The following MBLAC2 variants were observed in gnomAD, a reference collection of about 807,000 sequenced individuals.
MBLAC2 encodes metallo-beta-lactamase domain containing 2, also known as acyl-coenzyme A thioesterase MBLAC2.
MBLAC2 carries 24 observed loss-of-function variants against 23.3 expected under a neutral mutation model. That is an observed-to-expected ratio of 1.03 (90% CI 0.75 to 1.45). MBLAC2 has a LOEUF of 1.45. Ranked by LOEUF, MBLAC2 falls within the 40% of genes most tolerant of loss-of-function variation. The pLI is 0.00. For synonymous variants in MBLAC2, 162 were observed against 150.9 expected (o/e 1.07, Z -0.54); for missense variants, 358 against 370.0 (o/e 0.97, Z 0.27).
chr5:90,467,745 T>G lies in MBLAC2; in HGVS notation c.454+6094A>C, dbSNP rs112174753. ...TTGTTGCCTGAATACCTTCTTTTTT[T>G]GGGGGGGGCGGTTTGTTTGTTTTTT... On this transcript the variant is annotated intron_variant, in intron 1 of 1. Transcript: ENST00000316610. 6.0e-3 allele frequency among the ~76,000 whole-genome samples: 524 copies of G among 87,782 alleles called. 4 individuals carry two copies. Among genetic ancestry groups the G allele is most frequent in the African/African-American group, 0.017 (381 of 22,174 alleles). The allele number at this position is 87,782 out of a possible 152,430, so 57.6% of individuals were successfully genotyped here.
intron 1 of MBLAC2, among the ~76,000 whole-genome samples, chr5:90,467,935 A>G (rs2151892162): frequency 6.6e-6 from 1 of 152,308 alleles, no homozygotes; most frequent in Admixed American, 6.5e-5. Flanking sequence ...TTGTTTGTCT[A>G]GAAAAGACTG....
intron 1 of MBLAC2, among the ~76,000 whole-genome samples, chr5:90,463,375 G>GC (rs1274301830): frequency 1.3e-5 from 2 of 152,232 alleles, no homozygotes; most frequent in Non-Finnish European, 2.9e-5. Flanking sequence ...GCAGGCATGA[G>GC]CTACTGCGCC....
At position 90,473,866 on chromosome 5, in the gene MBLAC2, C is replaced by A; in HGVS notation, c.427G>T (p.Val143Leu). 6.3e-7 allele frequency: 1 copy of A among 1,595,388 alleles called. No individual in the cohort carries two copies. Among genetic ancestry groups the A allele is most frequent in the South Asian group, 1.1e-5 (1 of 88,096 alleles). ...TCCTGCAGGATGAGGGTGGGCTGCACCGCCTGTACCCGGAACTGTCTGGCC... is the reference window on the plus strand; with the variant it reads ...TCCTGCAGGATGAGGGTGGGCTGCAACGCCTGTACCCGGAACTGTCTGGCC... ...WRARQFRVQAVQPTLILQDGD... is the reference protein window; with the variant it reads ...WRARQFRVQALQPTLILQDGD... The change falls in exon 1 of 2, where the codon GTG becomes TTG. Residue 143 changes from valine to leucine, a missense_variant. Val to Leu is a conservative substitution (Grantham distance 32). Transcript: ENST00000316610.
intron 1 of MBLAC2, chr5:90,473,522 A>G: frequency 1.7e-6 from 1 of 591,592 alleles, no homozygotes; most frequent in East Asian, 2.9e-5. Flanking sequence ...AGAAATCCCT[A>G]GTCAGTCACA....
chr5:90,471,924 T>C (rs1750555010), intron 1 of MBLAC2: 1 of 152,216 alleles, frequency 6.6e-6, no homozygotes. Flanking sequence ...TTCAAAGTGT[T>C]TGGTAAACAT....
chr5:90,474,087 T>G lies in MBLAC2; in HGVS notation c.206A>C (p.Lys69Thr). The change falls in exon 1 of 2, where the codon AAA becomes ACA. Residue 69 changes from lysine (K) to threonine (T), a missense_variant. Coordinates refer to ENST00000316610, the MANE Select transcript of MBLAC2 (RefSeq NM_203406.2). ...CAGTGGCCGGCGCGCCGCGTCCTCTTTGGCCTCTCGGTCCTGCAAGAGGCC... is the reference window on the plus strand; with the variant it reads ...CAGTGGCCGGCGCGCCGCGTCCTCTGTGGCCTCTCGGTCCTGCAAGAGGCC... Reference protein sequence around the residue: ...SSGLLQDREAKEDAARRPLLA... With the variant: ...SSGLLQDREATEDAARRPLLA... 6.3e-7 allele frequency: 1 copy of G among 1,575,174 alleles called. No homozygotes were observed. Among genetic ancestry groups the G allele is most frequent in the African/African-American group, 1.3e-5 (1 of 74,522 alleles).
At chr5:90,470,425 C>A (rs762679302) in intron 1 of MBLAC2, among the ~76,000 whole-genome samples, 1 of 151,956 alleles carries the variant, frequency 6.6e-6, no homozygotes, top group African/African-American at 2.4e-5. Flanking sequence ...ACATTGTATG[C>A]GTTTATCAAA....
At chr5:90,470,413 T>C (rs1265944873) in intron 1 of MBLAC2, among the ~76,000 whole-genome samples, 1 of 152,126 alleles carries the variant, frequency 6.6e-6, no homozygotes, top group Non-Finnish European at 1.5e-5. Context: ...GATCTGATCA[T>C]TACATTGTAT....
chr5:90,461,425 T>C lies in MBLAC2; in HGVS notation c.582A>G (p.Gly194=). ...ILFSGDVVYD[G]SLIDWLPYSR... The stretch of plus-strand genomic sequence containing the variant: ...TGTATGGGAGCCAGTCAATCAGTGA[T>C]CCATCATACACGACGTCTCCACTGA... Residue 194 remains glycine, a synonymous_variant, in exon 2 of 2, where the codon GGA becomes GGG. Coordinates refer to ENST00000316610, the MANE Select transcript of MBLAC2 (RefSeq NM_203406.2). 1 of 1,614,178 alleles carries C rather than the reference T, an allele frequency of 6.2e-7. No homozygotes were observed. The highest frequency in any genetic ancestry group is 8.5e-7 in the Non-Finnish European group (1 of 1,180,008).
Position 90,459,405 on chromosome 5 carries a change from T to C in MBLAC2, c.*1762A>G, listed in dbSNP as rs1158604720. ...TGCTAAATATGTGATGTTTGGAATA[T>C]ACTGGATTCCTGAAAATTAAATTTA... On this transcript the variant is annotated 3_prime_UTR_variant, in exon 2 of 2. Coordinates refer to ENST00000316610, the MANE Select transcript of MBLAC2 (RefSeq NM_203406.2). 3 of 152,276 alleles carry C rather than the reference T, an allele frequency of 2.0e-5. No homozygotes were observed. The highest frequency in any genetic ancestry group is 7.2e-5 in the African/African-American group (3 of 41,580). The allele number at this position is 152,276 out of a possible 1,614,324, so 9.4% of individuals were successfully genotyped here. A position where few individuals can be genotyped will look rare whatever the true frequency, so the allele number is the denominator to read the frequency against.
intron 1 of MBLAC2, among the ~76,000 whole-genome samples, chr5:90,465,036 G>C (rs1168766498): frequency 6.6e-6 from 1 of 152,100 alleles, no homozygotes. Flanking sequence ...AAGAAAAAGA[G>C]AGTAAGGTCT....
chr5:90,473,522 A>C (rs1472268144), intron 1 of MBLAC2: 3 of 591,592 alleles, frequency 5.1e-6, no homozygotes, highest in East Asian at 5.8e-5. Context: ...AGAAATCCCT[A>C]GTCAGTCACA....
chr5:90,474,151 G>A lies in MBLAC2; in HGVS notation c.142C>T (p.Leu48=), dbSNP rs1324032427. ...SEQDVVIDTG[L]GLRSLPEYLY... is the part of the protein sequence containing the mutation. Reference sequence around the variant, plus strand: ...TACTCCGGGAGGCTGCGCAGCCCCAGGCCTGTATCGATCACCACGTCCTGC... The same window carrying A: ...TACTCCGGGAGGCTGCGCAGCCCCAAGCCTGTATCGATCACCACGTCCTGC... Residue 48 remains leucine (L), a synonymous_variant, in exon 1 of 2, where the codon CTG becomes TTG. Coordinates refer to ENST00000316610, the MANE Select transcript of MBLAC2 (RefSeq NM_203406.2). The A allele has an allele frequency of 1.3e-6, 2 of 1,595,756 alleles. No homozygotes were observed. Among genetic ancestry groups the A allele is most frequent in the East Asian group, 2.3e-5 (1 of 44,196 alleles).
At chr5:90,467,465 G>T (rs1398670612) in intron 1 of MBLAC2, among the ~76,000 whole-genome samples, 1 of 152,084 alleles carries the variant, frequency 6.6e-6, no homozygotes, top group East Asian at 1.9e-4. Flanking sequence ...AACTGCTGTT[G>T]CTTTACATTT....
In MBLAC2 at chr5:90,474,400, G is replaced by A. The variant is rs1750662743; in HGVS notation, c.-108C>T. 1 of 1,027,972 alleles carries A rather than the reference G, an allele frequency of 9.7e-7. No individual in the cohort carries two copies. The highest frequency in any genetic ancestry group is 1.5e-6 in the Non-Finnish European group (1 of 683,122). The allele number at this position is 1,027,972 out of a possible 1,614,324, so 63.7% of individuals were successfully genotyped here. On this transcript the variant is annotated 5_prime_UTR_variant, in exon 1 of 2. Coordinates refer to ENST00000316610, the MANE Select transcript of MBLAC2 (RefSeq NM_203406.2). ...GTGTGAAGCGGTCTGCCTGCAGCCA[G>A]GGAGGAGGCGTAGAGCGAGGCGGGG...
chr5:90,468,422 T>C (rs1750487446), intron 1 of MBLAC2, among the ~76,000 whole-genome samples: 2 of 152,190 alleles, frequency 1.3e-5, no homozygotes, highest in Admixed American at 6.5e-5. Context: ...TTTGACGGAT[T>C]GGGTTAATTC....
chr5:90,474,117 G>T lies in MBLAC2; in HGVS notation c.176C>A (p.Ser59Tyr). 1.3e-6 allele frequency: 2 copies of T among 1,581,660 alleles called. No homozygotes were observed. Among genetic ancestry groups the T allele is most frequent in the Non-Finnish European group, 1.7e-6 (2 of 1,163,754 alleles). The change falls in exon 1 of 2, where the codon TCC (serine) becomes TAC (tyrosine). Residue 59 changes from serine to tyrosine, a missense_variant. Transcript: ENST00000316610. The part of the protein sequence containing the change: ...GLRSLPEYLY[S>Y]SGLLQDREAK... Reference sequence around the variant, plus strand: ...CTCTCGGTCCTGCAAGAGGCCGGAGGAGTACAGGTACTCCGGGAGGCTGCG... The same window carrying T: ...CTCTCGGTCCTGCAAGAGGCCGGAGTAGTACAGGTACTCCGGGAGGCTGCG...
intron 1 of MBLAC2, among the ~76,000 whole-genome samples, chr5:90,471,135 G>A (rs1190918694): frequency 4.6e-5 from 7 of 152,072 alleles, no homozygotes; most frequent in South Asian, 2.1e-4. Flanking sequence ...AGTTCCCCCC[G>A]CCAATGGGGA....
chr5:90,461,977 T>A (rs1359057951), intron 1 of MBLAC2, among the ~76,000 whole-genome samples: 3 of 152,254 alleles, frequency 2.0e-5, no homozygotes, highest in African/African-American at 7.2e-5. Flanking sequence ...CATGAAACTT[T>A]TACTTTTCAG....
Sources: allele counts gnomAD v4.1 joint callset (sites outside exome capture counted in the v4.1 genomes callset), GRCh38; gene constraint gnomAD v4.1.1; transcripts MANE v1.5; gene names NCBI Gene and HGNC (gene_info 2026-07-23, HGNC 2026-07-21).